The following MTMR14 variants were observed in gnomAD, a reference collection of about 807,000 sequenced individuals.
MTMR14 encodes myotubularin related protein 14.
Under a neutral mutation model 86.3 loss-of-function variants are expected in MTMR14, and 48 were observed. That is an observed-to-expected ratio of 0.56 (90% confidence interval 0.44 to 0.71). MTMR14 has a LOEUF of 0.71. Among genes scored for constraint, MTMR14 ranks in the 30% least tolerant of loss-of-function variants. The probability of loss-of-function intolerance (pLI) is 0.00; values close to 1 mark genes in which losing one functional copy is unlikely to be tolerated. For synonymous variants in MTMR14, 366 were observed against 326.1 expected (o/e 1.12, Z -1.32); for missense variants, 780 against 834.6 (o/e 0.93, Z 0.81).
chr3:9,701,671 C>A lies in MTMR14; in HGVS notation c.1770-119C>A. 2 of 1,189,598 alleles carry A rather than the reference C, an allele frequency of 1.7e-6. No homozygotes were observed. The highest frequency in any genetic ancestry group is 1.2e-6 in the Non-Finnish European group (1 of 815,070). 73.7% of individuals were successfully genotyped at this position (1,189,598 alleles called of 1,614,324 possible). On this transcript the variant is annotated intron_variant, in intron 18 of 18. Transcript: ENST00000296003. This position sits in a 1 kb window ranked among gnomAD's most constrained non-coding sequence, Gnocchi z 4.2. Reference sequence around the variant, plus strand: ...AAGGATAGCATGGCCGTAGGACAGACACTGGCCTTGTACAGTCAGAAGAAG... The same window carrying A: ...AAGGATAGCATGGCCGTAGGACAGAAACTGGCCTTGTACAGTCAGAAGAAG...
Position 9,662,372 on chromosome 3 carries a change from CA to C in MTMR14, c.416del (p.Lys139SerfsTer76). 1 of 1,612,068 alleles carries C rather than the reference CA, an allele frequency of 6.2e-7. No homozygotes were observed. Among genetic ancestry groups the C allele is most frequent in the Non-Finnish European group, 8.5e-7 (1 of 1,178,696 alleles). On this transcript the variant is annotated frameshift_variant and splice_region_variant, in exon 3 of 19. Coordinates refer to ENST00000296003, the MANE Select transcript of MTMR14 (RefSeq NM_001077525.3). LOFTEE classifies it high-confidence loss of function. ...TCTGCCCAGTAATCCTGTTCAAGGG[CA>C]AGGTAAGGCCCATACCATAGCTTCA... The part of the protein sequence containing the change: ...FVCPVILFKG[K>X]HICRSATLAG...
intron 7 of MTMR14, among the ~76,000 whole-genome samples, chr3:9,673,177 A>T (rs945454947): frequency 1.4e-4 from 21 of 152,218 alleles, no homozygotes; most frequent in African/African-American, 4.8e-4. Flanking sequence ...GCCTGAGTGG[A>T]TGTCACCCTT....
intron 2 of MTMR14, among the ~76,000 whole-genome samples, chr3:9,660,162 A>G (rs1293880877): frequency 2.0e-5 from 3 of 152,168 alleles, no homozygotes. Context: ...TTGATTTCAT[A>G]GAGAAACTGG....
At chr3:9,699,172 A>C (rs2076378120) in intron 18 of MTMR14, among the ~76,000 whole-genome samples, 1 of 120,686 alleles carries the variant, frequency 8.3e-6, no homozygotes, top group South Asian at 2.3e-4. Context: ...AACTCTCTCA[A>C]AAAAAAAAAA....
At position 9,653,768 on chromosome 3, in the gene MTMR14, A is replaced by G. The variant is rs778696004; in HGVS notation, c.307A>G (p.Thr103Ala). The G allele has an allele frequency of 1.1e-5, 17 of 1,614,178 alleles. No individual in the cohort carries two copies. The highest frequency in any genetic ancestry group is 2.5e-6 in the Non-Finnish European group (3 of 1,180,030). The change falls in exon 2 of 19, where the codon ACG (threonine) becomes GCG (alanine). Residue 103 changes from threonine (T) to alanine (A), a missense_variant and splice_region_variant. By Grantham distance (58) the Thr-to-Ala change is moderately conservative. Coordinates refer to ENST00000296003, the MANE Select transcript of MTMR14 (RefSeq NM_001077525.3). The part of the protein sequence containing the change: ...EYESSEKEKD[T>A]FESTVQVSKL... The stretch of plus-strand genomic sequence containing the variant: ...TGAGAGTTCTGAGAAGGAGAAAGAC[A>G]CGTGAGCATCATGTGACCGTAGTGT...
intron 18 of MTMR14, chr3:9,699,961 G>C (rs1559625168): frequency 1.3e-5 from 2 of 152,258 alleles, no homozygotes. Context: ...CTTCAGGATT[G>C]TTGATGGTAG....
intron 9 of MTMR14, among the ~76,000 whole-genome samples, chr3:9,680,519 T>A (rs2075726469): frequency 6.6e-6 from 1 of 152,240 alleles, no homozygotes; most frequent in South Asian, 2.1e-4. Flanking sequence ...CCATGCAGTC[T>A]GGTCTTGCCT....
intron 3 of MTMR14, among the ~76,000 whole-genome samples, chr3:9,665,602 G>A (rs765887639): frequency 2.6e-5 from 4 of 152,084 alleles, no homozygotes; most frequent in Non-Finnish European, 4.4e-5. Flanking sequence ...TAACAAACTT[G>A]CACAGGTACC....
chr3:9,683,090 C>T, intron 9 of MTMR14, 88 bp from the exon 10 acceptor site: 2 of 1,279,542 alleles, frequency 1.6e-6, no homozygotes, highest in Admixed American at 1.9e-5. Flanking sequence ...AGTTGTTGCC[C>T]CAGAATAACT....
intron 11 of MTMR14, 74 bp from the exon 12 acceptor site, chr3:9,684,814 C>G (rs1436787047): frequency 6.4e-7 from 1 of 1,570,188 alleles, no homozygotes; most frequent in Non-Finnish European, 8.8e-7. Flanking sequence ...CCTGCGTTGT[C>G]ACTGGGTCTG....
chr3:9,693,035 C>T (rs1322419347), intron 17 of MTMR14, among the ~76,000 whole-genome samples: 1 of 152,122 alleles, frequency 6.6e-6, no homozygotes, highest in Non-Finnish European at 1.5e-5. Flanking sequence ...GCTTAGGTAA[C>T]GCCAAGGTCC....
chr3:9,659,644 A>T, intron 2 of MTMR14: 1 of 452,992 alleles, frequency 2.2e-6, no homozygotes, highest in South Asian at 1.6e-5. Context: ...GGGTTTCACC[A>T]TGTTGGCCAG....
In MTMR14 at chr3:9,685,999, G is replaced by A. The variant is rs185872571; in HGVS notation, c.1164+752G>A. ...GTGCCCAGCATGGAAGCTGTCCCAC[G>A]GTGTCAGCTCCTTCTCTTTGGCCCC... On this transcript the variant is annotated intron_variant, in intron 13 of 18. Coordinates refer to ENST00000296003, the MANE Select transcript of MTMR14 (RefSeq NM_001077525.3). Among the ~76,000 whole-genome samples the A allele has an allele frequency of 3.4e-3, 516 of 152,160 alleles. 2 individuals carry two copies. The highest frequency in any genetic ancestry group is 5.1e-3 in the Non-Finnish European group (350 of 68,012).
chr3:9,697,413 G>T (rs528419066), intron 17 of MTMR14, among the ~76,000 whole-genome samples: 1 of 152,260 alleles, frequency 6.6e-6, no homozygotes, highest in Non-Finnish European at 1.5e-5. Context: ...TCCCAGCGCA[G>T]GCATGCCCTG....
intron 13 of MTMR14, among the ~76,000 whole-genome samples, chr3:9,686,687 A>ATGAAAATGGGCAGCC (rs1444294585): frequency 3.9e-5 from 6 of 152,238 alleles, no homozygotes; most frequent in Non-Finnish European, 5.9e-5. Context: ...TACTGACCCG[A>ATGAAAATGGGCAGCC]CCTGGGCAGC....
intron 16 of MTMR14, 23 bp from the exon 17 acceptor site, chr3:9,689,941 C>T: frequency 1.2e-6 from 2 of 1,601,878 alleles, no homozygotes; most frequent in Non-Finnish European, 1.7e-6. Context: ...CCCCGGCTCA[C>T]AGCCCTGCTC....
chr3:9,662,341 G>A lies in MTMR14; in HGVS notation c.383G>A (p.Arg128Gln), dbSNP rs749635648. Residue 128 changes from arginine to glutamine, a missense_variant, in exon 3 of 19, where the codon CGG becomes CAG. Transcript: ENST00000296003. ...AGCAAGATGGCCCGGTGCAGAGGAC[G>A]GTTTGTCTGCCCAGTAATCCTGTTC... ...HRSKMARCRG[R>Q]FVCPVILFKG... 24 of 1,613,446 alleles carry A rather than the reference G, an allele frequency of 1.5e-5. No individual in the cohort carries two copies. The highest frequency in any genetic ancestry group is 2.2e-5 in the South Asian group (2 of 91,044).
intron 5 of MTMR14, 35 bp downstream of exon 5, chr3:9,669,527 T>C: frequency 2.5e-6 from 4 of 1,602,572 alleles, no homozygotes; most frequent in Non-Finnish European, 3.4e-6. Flanking sequence ...GGGGCTTGTG[T>C]TGGGGATGGG....
intron 9 of MTMR14, among the ~76,000 whole-genome samples, chr3:9,679,875 G>A (rs764006489): frequency 6.6e-6 from 1 of 152,196 alleles, no homozygotes; most frequent in African/African-American, 2.4e-5. Context: ...TAGCAGGCAG[G>A]CAGGCGCCTC....
Sources: gnomAD v4.1 joint callset for allele counts (sites outside exome capture counted in the v4.1 genomes callset) on GRCh38, gnomAD v4.1.1 for gene constraint, Gnocchi (gnomAD v3.1) non-coding constraint, MANE v1.5 for transcripts, NCBI Gene and HGNC (gene_info 2026-07-23, HGNC 2026-07-21) for gene names.